CCDC92B: variants seen among roughly 807,000 people sequenced by gnomAD.
CCDC92B encodes the protein coiled-coil domain containing 92B.
CCDC92B carries 2 observed loss-of-function variants against 5.6 expected under a neutral mutation model. The observed-to-expected ratio is 0.36, with a 90% CI of 0.15 to 1.12. The LOEUF is 1.12. CCDC92B is among the 50% of genes most tolerant of loss of function. The pLI, the probability that CCDC92B is intolerant of heterozygous loss-of-function variation, is 0.40. For missense variants in CCDC92B, 271 were observed against 262.2 expected, an observed-to-expected ratio of 1.03 and a Z score of -0.23; for synonymous variants, 115 against 122.3, an observed-to-expected ratio of 0.94 and a Z score of 0.39.
rs1355471232 is a variant in CCDC92B, at chr17:2,721,356, C to T, written c.*3055G>A. 1 of 152,338 alleles carries T rather than the reference C, an allele frequency of 6.6e-6. No individual in the cohort carries two copies. The highest frequency in any genetic ancestry group is 2.4e-5 in the African/African-American group (1 of 41,462). The allele number at this position is 152,338 out of a possible 1,614,324, so 9.4% of individuals were successfully genotyped here. On this transcript the variant is annotated 3_prime_UTR_variant, in exon 4 of 4. Transcript: ENST00000614400. ...GGACCTGAGTGTCCTCTTCAACACT[C>T]TCTCTCCCAATGGGGATTCGTGCAG...
rs1040067283 is a variant in CCDC92B at position 2,742,722 on chromosome 17, G to C, written c.-24+6689C>G. Among the ~76,000 whole-genome samples the C allele has an allele frequency of 5.9e-5, 9 of 152,116 alleles. 1 individual carries two copies. Among genetic ancestry groups the C allele is most frequent in the Admixed American group, 5.9e-4 (9 of 15,254 alleles). ...CAAAATAACTCTTCCCTGGCTGCTA[G>C]ACTGATGACCTAACACCTCCATTTG... On this transcript the variant is annotated intron_variant, in intron 1 of 3. Coordinates refer to ENST00000614400, the MANE Select transcript of CCDC92B (RefSeq NM_001355573.2).
At chr17:2,748,454 G>A (rs878970483) in intron 1 of CCDC92B, 10 of 964,208 alleles carry the variant, frequency 1.0e-5, no homozygotes, top group Non-Finnish European at 1.1e-5. Context: ...GTGTGTGCAC[G>A]CATGCCTGCA....
At chr17:2,729,649 A>G (rs986805328) in intron 3 of CCDC92B, among the ~76,000 whole-genome samples, 1 of 152,084 alleles carries the variant, frequency 6.6e-6, no homozygotes. Flanking sequence ...ATTGTGGGGG[A>G]AAAAATGACA....
chr17:2,724,848 G>A lies in CCDC92B; in HGVS notation c.331C>T (p.Arg111Cys). The change falls in exon 4 of 4, where the codon CGC (arginine) becomes TGC (cysteine). Residue 111 changes from arginine (R) to cysteine (C), a missense_variant. By Grantham distance (180) the Arg-to-Cys change is radical (BLOSUM62 -3). Coordinates refer to ENST00000614400, the MANE Select transcript of CCDC92B (RefSeq NM_001355573.2). This position sits in a 1 kb window ranked among gnomAD's most constrained non-coding sequence, Gnocchi z 5.0. ...CGGCGGCGCAGCTCCTCCAGGAAGC[G>A]GCGCTCCTCGGTGCGCAGGCTGCAG... ...LRCSLRTEER[R>C]FLEELRRRSH... The A allele has an allele frequency of 1.0e-6, 1 of 985,112 alleles. No homozygotes were observed. The highest frequency in any genetic ancestry group is 1.2e-6 in the Non-Finnish European group (1 of 829,804). 61.0% of individuals were successfully genotyped at this position (985,112 alleles called of 1,614,324 possible). A position where few individuals can be genotyped will look rare whatever the true frequency, so the allele number is the denominator to read the frequency against.
intron 1 of CCDC92B, among the ~76,000 whole-genome samples, chr17:2,739,590 G>C (rs1013928486): frequency 1.3e-5 from 2 of 151,858 alleles, no homozygotes; most frequent in African/African-American, 4.9e-5. Flanking sequence ...GCTGAGGCAG[G>C]AGAACGGCGT....
rs970562483 is a variant in CCDC92B at position 2,724,777 on chromosome 17, G to A, written c.402C>T (p.Thr134=). 2.4e-4 allele frequency: 234 copies of A among 984,708 alleles called. No individual in the cohort carries two copies. In the African/African-American group the frequency reaches 3.7e-3, roughly 16 times the overall value. The allele number at this position is 984,708 out of a possible 1,614,324, so 61.0% of individuals were successfully genotyped here. Residue 134 remains threonine (T), a synonymous_variant, in exon 4 of 4, where the codon ACC becomes ACT. Coordinates refer to ENST00000614400, the MANE Select transcript of CCDC92B (RefSeq NM_001355573.2). This position sits in a 1 kb window ranked among gnomAD's most constrained non-coding sequence, Gnocchi z 5.0. ...GGCAGGAGAGGTAGGCGGCCGCCTC[G>A]GTGTGCTTCTGCAGCTCGGTGCCCA... ...TVLGTELQKH[T]EAAAYLSCQL...
intron 1 of CCDC92B, among the ~76,000 whole-genome samples, chr17:2,740,229 G>A (rs111485180): frequency 2.9e-3 from 442 of 152,118 alleles, no homozygotes; most frequent in Non-Finnish European, 4.1e-3. Context: ...GGGTGGGCCT[G>A]CGCGTATGAT....
At chr17:2,733,518 C>T (rs2070821132) in intron 2 of CCDC92B, among the ~76,000 whole-genome samples, 1 of 152,112 alleles carries the variant, frequency 6.6e-6, no homozygotes, top group African/African-American at 2.4e-5. Context: ...CTCAGCCTCC[C>T]AAAGTGCTGG....
rs2070843849 is a variant in CCDC92B at position 2,735,180 on chromosome 17, G to C, written c.-23-12C>G. 2.0e-6 allele frequency: 2 copies of C among 985,500 alleles called. No homozygotes were observed. The highest frequency in any genetic ancestry group is 1.2e-4 in the Admixed American group (2 of 16,264). The allele number at this position is 985,500 out of a possible 1,614,324, so 61.0% of individuals were successfully genotyped here. On this transcript the variant is annotated splice_polypyrimidine_tract_variant and intron_variant, in intron 1 of 3. Coordinates refer to ENST00000614400, the MANE Select transcript of CCDC92B (RefSeq NM_001355573.2). ...GGCCTGGGCCCCACCTAGGGAGGAC[G>C]ACAAGGTGAACCCACCTCTTCTGAG...
At chr17:2,727,807 G>T (rs1269068246) in intron 3 of CCDC92B, among the ~76,000 whole-genome samples, 1 of 146,562 alleles carries the variant, frequency 6.8e-6, no homozygotes, top group African/African-American at 2.5e-5. Context: ...CTGGGCGCCA[G>T]AGTGAGACTC....
intron 2 of CCDC92B, among the ~76,000 whole-genome samples, chr17:2,734,721 C>T (rs2070838956): frequency 6.6e-6 from 1 of 151,894 alleles, no homozygotes. Flanking sequence ...ATCTCCTGAC[C>T]TCGTGATCCG....
At chr17:2,741,685 C>A (rs1289306957) in intron 1 of CCDC92B, among the ~76,000 whole-genome samples, 1 of 146,858 alleles carries the variant, frequency 6.8e-6, no homozygotes, top group East Asian at 2.2e-4. Flanking sequence ...CTCTGCCTCC[C>A]GGGTTCGCCT....
chr17:2,723,989 G>A lies in CCDC92B; in HGVS notation c.*422C>T. On this transcript the variant is annotated 3_prime_UTR_variant, in exon 4 of 4. Transcript: ENST00000614400. Reference sequence around the variant, plus strand: ...CGGGGGTGGGGGAGGCGGGGGGTGGGGAGCTAGAGGGCCTGGGGCGCCAAT... The same window carrying A: ...CGGGGGTGGGGGAGGCGGGGGGTGGAGAGCTAGAGGGCCTGGGGCGCCAAT... 1.1e-6 allele frequency: 1 copy of A among 950,376 alleles called. No individual in the cohort carries two copies. Among genetic ancestry groups the A allele is most frequent in the Non-Finnish European group, 1.3e-6 (1 of 799,028 alleles). 58.9% of individuals were successfully genotyped at this position (950,376 alleles called of 1,614,324 possible).
At chr17:2,731,798 G>A (rs548478626) in intron 2 of CCDC92B, among the ~76,000 whole-genome samples, 1 of 152,356 alleles carries the variant, frequency 6.6e-6, no homozygotes, top group Admixed American at 6.5e-5. Context: ...GCCTTGTGAT[G>A]TAGCCCAGGG....
chr17:2,735,206 C>T, intron 1 of CCDC92B, 38 bp from the exon 2 acceptor site: 1 of 985,340 alleles, frequency 1.0e-6, no homozygotes, highest in East Asian at 1.1e-4. Flanking sequence ...CTCTTCTGAG[C>T]CCATCTGCGC....
rs922158521 is a variant in CCDC92B, at chr17:2,724,576, G to A, written c.603C>T (p.Leu201=). ...WAAWDRGAGA[L]DDADPMPDPA... is the part of the protein sequence containing the mutation. The stretch of plus-strand genomic sequence containing the variant: ...GGTCGGGCATGGGGTCGGCGTCGTC[G>A]AGGGCGCCGGCCCCGCGGTCCCAGG... The change falls in exon 4 of 4, where the codon CTC becomes CTT. Residue 201 remains leucine, a synonymous_variant. Transcript: ENST00000614400. This position sits in a 1 kb window ranked among gnomAD's most constrained non-coding sequence, Gnocchi z 5.0. 1.0e-6 allele frequency: 1 copy of A among 981,902 alleles called. No individual in the cohort carries two copies. The highest frequency in any genetic ancestry group is 1.2e-6 in the Non-Finnish European group (1 of 828,498). 60.8% of individuals were successfully genotyped at this position (981,902 alleles called of 1,614,324 possible).
chr17:2,732,987 T>A (rs2070812729), intron 2 of CCDC92B, among the ~76,000 whole-genome samples: 2 of 150,300 alleles, frequency 1.3e-5, no homozygotes, highest in African/African-American at 4.9e-5. Context: ...CACTCCAGCC[T>A]GGGCGACAGA....
At chr17:2,738,984 T>C (rs1192163476) in intron 1 of CCDC92B, among the ~76,000 whole-genome samples, 1 of 147,560 alleles carries the variant, frequency 6.8e-6, no homozygotes. Flanking sequence ...CCCAGGAGAA[T>C]CGCTTGAACC....
intron 1 of CCDC92B, among the ~76,000 whole-genome samples, chr17:2,739,975 C>A (rs142159876): frequency 6.6e-6 from 1 of 152,106 alleles, no homozygotes; most frequent in East Asian, 1.9e-4. Context: ...GAATCAAACA[C>A]ATAATGTGTC....
Sources: gnomAD v4.1 joint callset for allele counts (sites outside exome capture counted in the v4.1 genomes callset) on GRCh38, gnomAD v4.1.1 for gene constraint, Gnocchi (gnomAD v3.1) non-coding constraint, MANE v1.5 for transcripts, NCBI Gene and HGNC (gene_info 2026-07-23, HGNC 2026-07-21) for gene names.